Variants in SLC34A1 observed in about 807,000 individuals in gnomAD.
The protein encoded by SLC34A1 is sodium-dependent phosphate transport protein 2A.
In SLC34A1, 57 loss-of-function variants were observed where a neutral mutation model predicts 51.4. The observed-to-expected ratio is 1.11, with a 90% CI of 0.90 to 1.38. SLC34A1 has a LOEUF of 1.38. Among genes scored for constraint, SLC34A1 ranks in the 40% most tolerant of loss-of-function variants. SLC34A1 has a pLI of 0.00. For missense variants in SLC34A1, 796 were observed against 835.6 expected, an observed-to-expected ratio of 0.95 and a Z score of 0.58; for synonymous variants, 368 against 358.0, an observed-to-expected ratio of 1.03 and a Z score of -0.32.
At chr5:177,397,181 A>G in intron 12 of SLC34A1, 107 bp downstream of exon 12, 1 of 1,419,158 alleles carries the variant, frequency 7.0e-7, no homozygotes, top group Non-Finnish European at 9.6e-7. Flanking sequence ...CTGCCTACTA[A>G]GGGCCACCTA....
chr5:177,393,820 G>A lies in SLC34A1; in HGVS notation c.1006+57G>A, dbSNP rs962609818. 7.6e-6 allele frequency: 12 copies of A among 1,578,698 alleles called. No individual in the cohort carries two copies. The African/African-American group carries it at 1.3e-4, about 18-fold the overall frequency. On this transcript the variant is annotated intron_variant, in intron 9 of 12. Coordinates refer to ENST00000324417, the MANE Select transcript of SLC34A1 (RefSeq NM_003052.5). ...ATGGCAGGGGCAGAGCCTAGCAGTG[G>A]CAGGGCAATCCCACACAGCCACTAT...
chr5:177,391,578 C>T (rs140861795), intron 8 of SLC34A1, among the ~76,000 whole-genome samples: 1 of 152,318 alleles, frequency 6.6e-6, no homozygotes, highest in African/African-American at 2.4e-5. Flanking sequence ...TGGGTACTCC[C>T]AGGAAGGTCC....
intron 8 of SLC34A1, among the ~76,000 whole-genome samples, chr5:177,391,155 G>A (rs1762788867): frequency 6.6e-6 from 1 of 152,142 alleles, no homozygotes; most frequent in Admixed American, 6.5e-5. Context: ...CCCAGATCCT[G>A]GGCCTCCCAG....
rs534057434 is a variant in SLC34A1, at chr5:177,396,079, C to T, written c.1175-654C>T. On this transcript the variant is annotated intron_variant, in intron 10 of 12. Coordinates refer to ENST00000324417, the MANE Select transcript of SLC34A1 (RefSeq NM_003052.5). This position sits in a 1 kb window ranked among gnomAD's most constrained non-coding sequence, Gnocchi z 4.0. ...ATAGGTGTGAGCCACCTTGCCCAGC[C>T]TTGGTTTTCATTTTAAACTTCATGC... 6.6e-6 allele frequency among the ~76,000 whole-genome samples: 1 copy of T among 152,238 alleles called. No homozygotes were observed. The highest frequency in any genetic ancestry group is 2.4e-5 in the African/African-American group (1 of 41,542).
chr5:177,394,688 CTTTTTTTTT>C (rs34736156), intron 10 of SLC34A1, among the ~76,000 whole-genome samples: 5 of 105,098 alleles, frequency 4.8e-5, no homozygotes, highest in African/African-American at 1.6e-4. Context: ...GAGACTTTGT[CTTTTTTTTT>C]TTTTTTTTTT....
intron 1 of SLC34A1, among the ~76,000 whole-genome samples, chr5:177,385,199 G>A (rs947449636): frequency 3.3e-5 from 5 of 152,254 alleles, no homozygotes; most frequent in African/African-American, 9.6e-5. Flanking sequence ...TGCTCTCCAG[G>A]TGGGCAAAAC....
In SLC34A1 at chr5:177,396,714, G is replaced by A; in HGVS notation, c.1175-19G>A. ...TCCCCGCTCTGACCCCAGCCTGCTGGGATGCGGTTTCCTTGCAGACTTCCC... is the reference window on the plus strand; with the variant it reads ...TCCCCGCTCTGACCCCAGCCTGCTGAGATGCGGTTTCCTTGCAGACTTCCC... On this transcript the variant is annotated intron_variant, in intron 10 of 12. Transcript: ENST00000324417. This position sits in a 1 kb window ranked among gnomAD's most constrained non-coding sequence, Gnocchi z 4.0. 1 of 1,610,456 alleles carries A rather than the reference G, an allele frequency of 6.2e-7. No individual in the cohort carries two copies. The highest frequency in any genetic ancestry group is 8.5e-7 in the Non-Finnish European group (1 of 1,176,644).
intron 12 of SLC34A1, chr5:177,397,391 C>T (rs1763006214): frequency 6.1e-6 from 3 of 489,820 alleles, no homozygotes; most frequent in Non-Finnish European, 1.1e-5. Context: ...GGGGTCAAGG[C>T]CGCAAATGGC....
chr5:177,390,490 A>T, intron 8 of SLC34A1: 1 of 505,164 alleles, frequency 2.0e-6, no homozygotes, highest in Non-Finnish European at 2.6e-6. Context: ...TTGAGGTAGG[A>T]TACAAATCCT....
rs1042698019 is a variant in SLC34A1, at chr5:177,396,040, A to G, written c.1175-693A>G. Among the ~76,000 whole-genome samples, 5 of 152,142 alleles carry G rather than the reference A, an allele frequency of 3.3e-5. No individual in the cohort carries two copies. Among genetic ancestry groups the G allele is most frequent in the African/African-American group, 1.2e-4 (5 of 41,410 alleles). On this transcript the variant is annotated intron_variant, in intron 10 of 12. Transcript: ENST00000324417. This position sits in a 1 kb window ranked among gnomAD's most constrained non-coding sequence, Gnocchi z 4.0. ...GGTGATCCACCCAACTCAGCATCCC[A>G]AAGTGCTGGGATTATAGGTGTGAGC...
In SLC34A1 at chr5:177,398,107, C is replaced by T. The variant is rs757521771; in HGVS notation, c.1741C>T (p.Arg581Cys). Residue 581 changes from arginine (R) to cysteine (C), a missense_variant, in exon 13 of 13, where the codon CGC becomes TGC. By Grantham distance (180) the Arg-to-Cys change is radical. Transcript: ENST00000324417. This position sits in a 1 kb window ranked among gnomAD's most constrained non-coding sequence, Gnocchi z 4.7. Reference protein sequence around the residue: ...KWLQTWDFLPRWMHSLKPLDH... With the variant: ...KWLQTWDFLPCWMHSLKPLDH... ...GTTACAGACATGGGACTTCCTGCCTCGCTGGATGCACTCCCTGAAGCCCCT... is the reference window on the plus strand; with the variant it reads ...GTTACAGACATGGGACTTCCTGCCTTGCTGGATGCACTCCCTGAAGCCCCT... 8 of 1,611,612 alleles carry T rather than the reference C, an allele frequency of 5.0e-6. No homozygotes were observed. Among genetic ancestry groups the T allele is most frequent in the East Asian group, 2.2e-5 (1 of 44,836 alleles).
chr5:177,397,847 C>A lies in SLC34A1; in HGVS notation c.1481C>A (p.Thr494Lys). 1.2e-6 allele frequency: 2 copies of A among 1,613,610 alleles called. No homozygotes were observed. Among genetic ancestry groups the A allele is most frequent in the Non-Finnish European group, 1.7e-6 (2 of 1,179,958 alleles). The part of the protein sequence containing the change: ...GILLWYPVPC[T>K]RLPIRMAKAL... ...CTTCTGTGGTACCCGGTGCCCTGCACACGCCTGCCCATCCGCATGGCCAAG... is the reference window on the plus strand; with the variant it reads ...CTTCTGTGGTACCCGGTGCCCTGCAAACGCCTGCCCATCCGCATGGCCAAG... Residue 494 changes from threonine (T) to lysine (K), a missense_variant, in exon 13 of 13, where the codon ACA (threonine) becomes AAA (lysine). By Grantham distance (78) the Thr-to-Lys change is moderately conservative (BLOSUM62 -1). Coordinates refer to ENST00000324417, the MANE Select transcript of SLC34A1 (RefSeq NM_003052.5).
chr5:177,394,055 T>A lies in SLC34A1; in HGVS notation c.1034T>A (p.Leu345Gln). ...KCNHIFVDTG[L>Q]PDLAVGLILL... ...AACCACATCTTTGTGGACACTGGCCTACCGGACCTGGCTGTGGGGCTCATC... is the reference window on the plus strand; with the variant it reads ...AACCACATCTTTGTGGACACTGGCCAACCGGACCTGGCTGTGGGGCTCATC... The change falls in exon 10 of 13, where the codon CTA becomes CAA. Residue 345 changes from leucine to glutamine, a missense_variant. Leu to Gln is a moderately radical substitution (Grantham distance 113). Coordinates refer to ENST00000324417, the MANE Select transcript of SLC34A1 (RefSeq NM_003052.5). The A allele has an allele frequency of 6.2e-7, 1 of 1,614,058 alleles. No homozygotes were observed. Among genetic ancestry groups the A allele is most frequent in the East Asian group, 2.2e-5 (1 of 44,884 alleles).
Position 177,388,410 on chromosome 5 carries a change from T to C in SLC34A1, c.936+38T>C. On this transcript the variant is annotated intron_variant, in intron 8 of 12. Coordinates refer to ENST00000324417, the MANE Select transcript of SLC34A1 (RefSeq NM_003052.5). The surrounding 1 kb of genome is among the most constrained non-coding windows in gnomAD (Gnocchi z 4.3). ...CCTAACCCCAGGTAAGAGGACTCCC[T>C]CTTCAGACTCTTGGTTTCATTGTCT... is the stretch of plus-strand genomic sequence containing the variant. 1 of 1,498,678 alleles carries C rather than the reference T, an allele frequency of 6.7e-7. No homozygotes were observed. Among genetic ancestry groups the C allele is most frequent in the Non-Finnish European group, 9.3e-7 (1 of 1,075,444 alleles). 92.8% of individuals were successfully genotyped at this position (1,498,678 alleles called of 1,614,324 possible).
In SLC34A1 at chr5:177,397,083, G is replaced by C. The variant is rs1283855091; in HGVS notation, c.1416+9G>C. ...TGTCCAGCGCTTTCCAGGTGCGCTG[G>C]GAGTGTAGCCTCGCCTGGGGCAGGA... On this transcript the variant is annotated intron_variant, in intron 12 of 12. Coordinates refer to ENST00000324417, the MANE Select transcript of SLC34A1 (RefSeq NM_003052.5). 6.2e-7 allele frequency: 1 copy of C among 1,612,236 alleles called. No individual in the cohort carries two copies. The highest frequency in any genetic ancestry group is 8.5e-7 in the Non-Finnish European group (1 of 1,179,726).
chr5:177,387,184 C>T (rs1470573994), intron 5 of SLC34A1, among the ~76,000 whole-genome samples: 1 of 150,932 alleles, frequency 6.6e-6, no homozygotes, highest in Non-Finnish European at 1.5e-5. Flanking sequence ...CCCTGGCTAA[C>T]ACGGTGAAAC....
rs1249566773 is a variant in SLC34A1, at chr5:177,385,710, C to G, written c.-32C>G. The G allele has an allele frequency of 1.3e-6, 2 of 1,531,694 alleles. No homozygotes were observed. Among genetic ancestry groups the G allele is most frequent in the Admixed American group, 1.7e-5 (1 of 57,920 alleles). The allele number at this position is 1,531,694 out of a possible 1,614,324, so 94.9% of individuals were successfully genotyped here. A position where few individuals can be genotyped will look rare whatever the true frequency, so the allele number is the denominator to read the frequency against. Reference sequence around the variant, plus strand: ...TGTCATTCAGCGTTGCTGAGACCCACTGACCTGCAGACCTCATAGTGGGTG... The same window carrying G: ...TGTCATTCAGCGTTGCTGAGACCCAGTGACCTGCAGACCTCATAGTGGGTG... On this transcript the variant is annotated 5_prime_UTR_variant, in exon 2 of 13. Transcript: ENST00000324417.
Position 177,394,022 on chromosome 5 carries a change from C to T in SLC34A1, c.1007-6C>T, listed in dbSNP as rs1384890173. 6.2e-7 allele frequency: 1 copy of T among 1,613,876 alleles called. No individual in the cohort carries two copies. Among genetic ancestry groups the T allele is most frequent in the Non-Finnish European group, 8.5e-7 (1 of 1,180,016 alleles). On this transcript the variant is annotated splice_polypyrimidine_tract_variant and splice_region_variant and intron_variant, in intron 9 of 12. Coordinates refer to ENST00000324417, the MANE Select transcript of SLC34A1 (RefSeq NM_003052.5). Reference sequence around the variant, plus strand: ...GGTCAGCTGTCAGGAGCTCCACCCCCTGCAGGCAACCACATCTTTGTGGAC... The same window carrying T: ...GGTCAGCTGTCAGGAGCTCCACCCCTTGCAGGCAACCACATCTTTGTGGAC...
In SLC34A1 at chr5:177,388,472, A is replaced by G. The variant is rs1762683866; in HGVS notation, c.936+100A>G. 1.9e-6 allele frequency: 2 copies of G among 1,043,312 alleles called. No homozygotes were observed. The highest frequency in any genetic ancestry group is 2.9e-6 in the Non-Finnish European group (2 of 680,856). 64.6% of individuals were successfully genotyped at this position (1,043,312 alleles called of 1,614,324 possible). A position where few individuals can be genotyped will look rare whatever the true frequency, so the allele number is the denominator to read the frequency against. On this transcript the variant is annotated intron_variant, in intron 8 of 12. Transcript: ENST00000324417. This position sits in a 1 kb window ranked among gnomAD's most constrained non-coding sequence, Gnocchi z 4.3. ...TCCAGATAGACCTTGAAGATCATTT[A>G]GCCAGGAGAGGGCAAATATGTGGCC... is the stretch of plus-strand genomic sequence containing the variant.
Sources: gnomAD v4.1 joint callset for allele counts (sites outside exome capture counted in the v4.1 genomes callset) on GRCh38, gnomAD v4.1.1 for gene constraint, Gnocchi (gnomAD v3.1) non-coding constraint, MANE v1.5 for transcripts, NCBI Gene and HGNC (gene_info 2026-07-23, HGNC 2026-07-21) for gene names.